SIPA1L2: variants seen among roughly 807,000 people sequenced by gnomAD.
SIPA1L2 encodes the protein signal-induced proliferation-associated 1-like protein 2.
Under a neutral mutation model 163.9 loss-of-function variants are expected in SIPA1L2, and 56 were observed. The observed-to-expected ratio is 0.34, with a 90% CI of 0.28 to 0.43. The LOEUF (loss-of-function observed/expected upper bound fraction) is 0.43, where lower values mean the gene tolerates loss of function less well. Ranked by LOEUF, SIPA1L2 falls within the 20% of genes least tolerant of loss-of-function variation. SIPA1L2 has a pLI of 1.00. For synonymous variants in SIPA1L2, 877 were observed against 865.7 expected (o/e 1.01, Z -0.23); for missense variants, 1,974 against 2,193.5 (o/e 0.90, Z 2.00).
chr1:232,598,552 G>A (rs1436717727), intron 1 of SIPA1L2, among the ~76,000 whole-genome samples: 1 of 152,184 alleles, frequency 6.6e-6, no homozygotes, highest in Non-Finnish European at 1.5e-5. Flanking sequence ...AATAGCACAA[G>A]CTGGGTAGCT....
chr1:232,455,671 C>T (rs1389649291), intron 10 of SIPA1L2, among the ~76,000 whole-genome samples: 4 of 144,816 alleles, frequency 2.8e-5, no homozygotes, highest in South Asian at 4.4e-4. Flanking sequence ...GCCGAGATCG[C>T]GCCACTGCAC....
intron 5 of SIPA1L2, among the ~76,000 whole-genome samples, chr1:232,487,149 G>T (rs1665683507): frequency 6.6e-6 from 1 of 152,206 alleles, no homozygotes; most frequent in East Asian, 1.9e-4. Flanking sequence ...ATACTGCCCA[G>T]ACAGCAGAGG....
At position 232,591,787 on chromosome 1, in the gene SIPA1L2, T is replaced by C. The variant is rs143111436; in HGVS notation, c.-318-17565A>G. Among the ~76,000 whole-genome samples, 585 of 152,320 alleles carry C rather than the reference T, an allele frequency of 3.8e-3. 7 individuals carry two copies. Among genetic ancestry groups the C allele is most frequent in the African/African-American group, 0.014 (569 of 41,562 alleles). Reference sequence around the variant, plus strand: ...AATAAACTCCTGACCAAGGAGTCAGTGAACGGAGGTTGCTCTACTTCAAAA... The same window carrying C: ...AATAAACTCCTGACCAAGGAGTCAGCGAACGGAGGTTGCTCTACTTCAAAA... On this transcript the variant is annotated intron_variant, in intron 1 of 22. Transcript: ENST00000674635.
chr1:232,586,550 A>G (rs988434255), intron 1 of SIPA1L2, among the ~76,000 whole-genome samples: 46 of 152,340 alleles, frequency 3.0e-4, no homozygotes, highest in South Asian at 4.1e-4. Flanking sequence ...AGAGAAAAAT[A>G]AAATGGGTCA....
intron 2 of SIPA1L2, among the ~76,000 whole-genome samples, chr1:232,553,278 C>T (rs1035131141): frequency 3.3e-5 from 5 of 152,270 alleles, no homozygotes; most frequent in African/African-American, 1.2e-4. Context: ...TGCTCCTCCT[C>T]GTCTCTCCTT....
chr1:232,480,963 T>C (rs564439444), intron 6 of SIPA1L2, among the ~76,000 whole-genome samples: 15 of 152,234 alleles, frequency 9.9e-5, no homozygotes, highest in Admixed American at 7.8e-4. Context: ...TTAGAAAAAA[T>C]ATCCTATAGA....
chr1:232,477,216 A>G (rs1230497149), intron 7 of SIPA1L2, among the ~76,000 whole-genome samples: 1 of 152,218 alleles, frequency 6.6e-6, no homozygotes, highest in African/African-American at 2.4e-5. Flanking sequence ...TTTCTTAACC[A>G]TTCAGAGTCT....
intron 3 of SIPA1L2, among the ~76,000 whole-genome samples, chr1:232,513,505 TAGG>T (rs1483250332): frequency 6.6e-6 from 1 of 152,014 alleles, no homozygotes; most frequent in East Asian, 1.9e-4. Flanking sequence ...TTCAGAGGAA[TAGG>T]AGGAGGACAG....
intron 1 of SIPA1L2, among the ~76,000 whole-genome samples, chr1:232,627,587 T>C (rs778578233): frequency 2.0e-5 from 3 of 152,024 alleles, no homozygotes; most frequent in African/African-American, 4.8e-5. Context: ...ACAGTAAGCA[T>C]CATAGAAGCC....
Position 232,443,636 on chromosome 1 carries a change from T to G in SIPA1L2, c.3403A>C (p.Ser1135Arg). 6.2e-7 allele frequency: 1 copy of G among 1,609,592 alleles called. No homozygotes were observed. Residue 1135 changes from serine (S) to arginine (R), a missense_variant, in exon 12 of 23, where the codon AGC becomes CGC. Physicochemically the swap from Ser to Arg is moderately radical, Grantham distance 110. This residue lies in a region of SIPA1L2 where 1,079 missense variants were observed against 1,150.7 expected (regional missense o/e 0.94). Transcript: ENST00000674635. ...CCCACTTGTGGTCTCCAGGGTCCGC[T>G]CCCGCCGGGTCCAGGGTCGCTGGAG... is the stretch of plus-strand genomic sequence containing the variant. Reference protein sequence around the residue: ...SSSSDPGPGGSGPWRPQVGYD... With the variant: ...SSSSDPGPGGRGPWRPQVGYD...
chr1:232,546,882 T>C (rs528698146), intron 2 of SIPA1L2, among the ~76,000 whole-genome samples: 2 of 152,292 alleles, frequency 1.3e-5, no homozygotes, highest in South Asian at 4.2e-4. Context: ...AAGAAACGAA[T>C]ACTCAGATCC....
intron 1 of SIPA1L2, among the ~76,000 whole-genome samples, chr1:232,626,347 T>C (rs1373096454): frequency 2.6e-5 from 4 of 151,668 alleles, no homozygotes; most frequent in African/African-American, 9.7e-5. Context: ...TAGACTCGAC[T>C]TGCTGCATAT....
At chr1:232,541,976 T>G (rs900063720) in intron 2 of SIPA1L2, among the ~76,000 whole-genome samples, 1 of 151,234 alleles carries the variant, frequency 6.6e-6, no homozygotes, top group African/African-American at 2.5e-5. Context: ...TAAAAATACC[T>G]ATCTAAACCC....
intron 2 of SIPA1L2, among the ~76,000 whole-genome samples, chr1:232,523,084 T>C (rs1029790961): frequency 6.6e-6 from 1 of 152,252 alleles, no homozygotes; most frequent in Non-Finnish European, 1.5e-5. Context: ...TTGAAATTAT[T>C]TGAGAGACTT....
intron 2 of SIPA1L2, among the ~76,000 whole-genome samples, chr1:232,527,725 C>CTTTTTTTTTTTTTT (rs57868657): frequency 1.2e-4 from 10 of 80,942 alleles, no homozygotes; most frequent in African/African-American, 2.1e-4. Flanking sequence ...TCTTCTTCTT[C>CTTTTTTTTTTTTTT]TTTTTTTTTT....
chr1:232,539,286 G>T (rs943140), intron 2 of SIPA1L2, among the ~76,000 whole-genome samples: 29,848 of 152,130 alleles, frequency 0.2, 3,078 homozygotes, highest in East Asian at 0.3. Flanking sequence ...CTTGAGAGGT[G>T]CGAAACAATC....
chr1:232,544,135 T>G (rs1236038441), intron 2 of SIPA1L2, among the ~76,000 whole-genome samples: 1 of 152,222 alleles, frequency 6.6e-6, no homozygotes, highest in East Asian at 1.9e-4. Flanking sequence ...TTCTTTTTTT[T>G]TTTTATCCTC....
intron 1 of SIPA1L2, among the ~76,000 whole-genome samples, chr1:232,627,045 C>T (rs1211453982): frequency 6.7e-6 from 1 of 150,194 alleles, no homozygotes; most frequent in Non-Finnish European, 1.5e-5. Context: ...AAGTTCAAAA[C>T]AGAAAGAAAA....
chr1:232,551,594 G>A (rs1658384449), intron 2 of SIPA1L2, among the ~76,000 whole-genome samples: 1 of 152,252 alleles, frequency 6.6e-6, no homozygotes, highest in Non-Finnish European at 1.5e-5. Context: ...CCCCAGTGGG[G>A]GAGGTGAGAA....
Sources: allele counts gnomAD v4.1 joint callset (sites outside exome capture counted in the v4.1 genomes callset), GRCh38; gene constraint gnomAD v4.1.1; regional missense constraint gnomAD v4.1.1; transcripts MANE v1.5; gene names NCBI Gene and HGNC (gene_info 2026-07-23, HGNC 2026-07-21).